The following HIRA variants were observed in gnomAD, a reference collection of about 807,000 sequenced individuals.
HIRA encodes the protein protein HIRA.
In HIRA, 13 loss-of-function variants were observed where a neutral mutation model predicts 126.6. That is an observed-to-expected ratio of 0.10 (90% CI 0.07 to 0.16). The LOEUF is 0.16. Ranked by LOEUF, HIRA falls within the 10% of genes least tolerant of loss-of-function variation. The probability of loss-of-function intolerance (pLI) is 1.00; values close to 1 mark genes in which losing one functional copy is unlikely to be tolerated. For missense variants in HIRA, 834 were observed against 1,314.4 expected (o/e 0.63, Z 5.65); for synonymous variants, 511 against 520.0 (o/e 0.98, Z 0.24).
In HIRA at chr22:19,354,025, C is replaced by G. The variant is rs146643449; in HGVS notation, c.2655G>C (p.Pro885=). The G allele has an allele frequency of 6.2e-7, 1 of 1,613,202 alleles. No homozygotes were observed. The highest frequency in any genetic ancestry group is 1.3e-5 in the African/African-American group (1 of 74,904). ...AGGTGCGGCCCTGGATTATGGCTAA[C>G]GGTCCTGAGCACAGCATGGCGTCCT... ...PSQDAMLCSG[P]LAIIQGRTSN... The change falls in exon 22 of 25, where the codon CCG becomes CCC. Residue 885 remains proline (P), a synonymous_variant. Transcript: ENST00000263208.
chr22:19,331,488 G>A lies in HIRA; in HGVS notation c.3006C>T (p.Arg1002=), dbSNP rs1308004990. 32 of 1,613,878 alleles carry A rather than the reference G, an allele frequency of 2.0e-5. No individual in the cohort carries two copies. Among genetic ancestry groups the A allele is most frequent in the Non-Finnish European group, 2.6e-5 (31 of 1,179,890 alleles). The change falls in exon 25 of 25, where the codon CGC becomes CGT. Residue 1002 remains arginine (R), a synonymous_variant. Transcript: ENST00000263208. ...GCTGTTCCTGACACTCGGTGAAGAG[G>A]CGCTGGAATCGGAGGTTCTGCCCGA... ...PVIGQNLRFQ[R]LFTECQEQLD...
chr22:19,430,576 C>G (rs1359904747), intron 1 of HIRA, among the ~76,000 whole-genome samples: 1 of 151,286 alleles, frequency 6.6e-6, no homozygotes, highest in Non-Finnish European at 1.5e-5. Flanking sequence ...AGAATCAGGC[C>G]CTGGGCTGGA....
rs2089084863 is a variant in HIRA at position 19,382,657 on chromosome 22, T to C, written c.1415+963A>G. Reference sequence around the variant, plus strand: ...AGAGGCCTAAAGTGTGTGGCCTCCATGAAGGGCTTACAAATGCCCTGAGCA... The same window carrying C: ...AGAGGCCTAAAGTGTGTGGCCTCCACGAAGGGCTTACAAATGCCCTGAGCA... On this transcript the variant is annotated intron_variant, in intron 13 of 24. Transcript: ENST00000263208. Among the ~76,000 whole-genome samples the C allele has an allele frequency of 2.6e-5, 4 of 152,204 alleles. No individual in the cohort carries two copies. In the South Asian group the frequency reaches 8.3e-4, roughly 32 times the overall value.
intron 7 of HIRA, among the ~76,000 whole-genome samples, chr22:19,396,525 A>T (rs2146230430): frequency 6.6e-6 from 1 of 152,356 alleles, no homozygotes; most frequent in African/African-American, 2.4e-5. Flanking sequence ...GCCAAAACAA[A>T]GCAAAAAACA....
chr22:19,387,647 G>T, intron 11 of HIRA, 64 bp downstream of exon 11: 1 of 1,186,020 alleles, frequency 8.4e-7, no homozygotes, highest in East Asian at 2.4e-5. Flanking sequence ...AGTCAAAGGG[G>T]TCTCTCAGAG....
rs782622489 is a variant in HIRA, at chr22:19,351,462, C to G, written c.2849-16G>C. ...TATTCAAACCCTAATTACAGAAAAA[C>G]AAACAAACAACAACAACAAAAAACA... On this transcript the variant is annotated splice_polypyrimidine_tract_variant and intron_variant, in intron 23 of 24. Transcript: ENST00000263208. This position sits in a 1 kb window ranked among gnomAD's most constrained non-coding sequence, Gnocchi z 4.8. The G allele has an allele frequency of 1.9e-6, 3 of 1,577,904 alleles. No individual in the cohort carries two copies. The South Asian group carries it at 3.4e-5, about 18-fold the overall frequency.
At chr22:19,390,989 C>T (rs1287301889) in intron 9 of HIRA, among the ~76,000 whole-genome samples, 1 of 151,690 alleles carries the variant, frequency 6.6e-6, no homozygotes, top group Admixed American at 6.6e-5. Flanking sequence ...GAACTCTACT[C>T]ATAGGTATGT....
At position 19,359,377 on chromosome 22, in the gene HIRA, C is replaced by T. The variant is rs2088843116; in HGVS notation, c.2193G>A (p.Glu731=). 6.2e-7 allele frequency: 1 copy of T among 1,609,880 alleles called. No homozygotes were observed. The highest frequency in any genetic ancestry group is 8.5e-7 in the Non-Finnish European group (1 of 1,178,330). The change falls in exon 18 of 25, where the codon GAG becomes GAA. Residue 731 remains glutamate (E), a synonymous_variant. Coordinates refer to ENST00000263208, the MANE Select transcript of HIRA (RefSeq NM_003325.4). ...TGAGGATCCGGCTGGTGAGTACCGT[C>T]TCCCACTCCTTCCCTTCCCGGTTGC... ...LKCNREGKEW[E]TVLTSRILTA...
rs780906542 is a variant in HIRA at position 19,385,656 on chromosome 22, G to A, written c.1194C>T (p.Asn398=). 3.7e-6 allele frequency: 6 copies of A among 1,614,090 alleles called. No homozygotes were observed. The South Asian group carries it at 5.5e-5, about 15-fold the overall frequency. ...TTCGCTGGTACTTGAGCATCTCAGG[G>A]TTCTCAATGACGGCTGTGGAGAGCT... ...EAQLSTAVIE[N]PEMLKYQRRQ... The change falls in exon 12 of 25, where the codon AAC becomes AAT. Residue 398 remains asparagine, a synonymous_variant. Coordinates refer to ENST00000263208, the MANE Select transcript of HIRA (RefSeq NM_003325.4).
chr22:19,400,487 T>C (rs1028853446), intron 5 of HIRA, among the ~76,000 whole-genome samples: 1 of 152,220 alleles, frequency 6.6e-6, no homozygotes, highest in African/African-American at 2.4e-5. Context: ...ACCCATGATG[T>C]TTCTATCACT....
Position 19,331,405 on chromosome 22 carries a change from C to T in HIRA, c.*35G>A, listed in dbSNP as rs782213909. 1.1e-5 allele frequency: 17 copies of T among 1,613,016 alleles called. No individual in the cohort carries two copies. Among genetic ancestry groups the T allele is most frequent in the Non-Finnish European group, 1.4e-5 (16 of 1,179,926 alleles). On this transcript the variant is annotated 3_prime_UTR_variant, in exon 25 of 25. Transcript: ENST00000263208. ...TGTCATCAGCGGCGAGAGTGTGGCC[C>T]TGCCCTTGCTGCAGCCAGGGCAGGC...
intron 1 of HIRA, among the ~76,000 whole-genome samples, chr22:19,422,113 C>T (rs750126862): frequency 1.4e-4 from 21 of 151,686 alleles, no homozygotes; most frequent in Middle Eastern, 6.8e-3. Flanking sequence ...AAAGTCAACA[C>T]ATTATACATT....
chr22:19,388,258 G>A (rs111358358), intron 10 of HIRA, among the ~76,000 whole-genome samples: 62 of 152,262 alleles, frequency 4.1e-4, no homozygotes, highest in African/African-American at 1.5e-3. Context: ...ATCCTGAAAA[G>A]GCATTTTCCA....
At chr22:19,430,489 TA>T (rs2089524106) in intron 1 of HIRA, among the ~76,000 whole-genome samples, 1 of 152,180 alleles carries the variant, frequency 6.6e-6, no homozygotes, top group Admixed American at 6.5e-5. Context: ...TAGCACCCTG[TA>T]GTCGCACTGC....
chr22:19,344,080 A>G (rs2088661554), intron 24 of HIRA, among the ~76,000 whole-genome samples: 1 of 152,156 alleles, frequency 6.6e-6, no homozygotes, highest in South Asian at 2.1e-4. Context: ...AACTTACAGT[A>G]TGCAGTGAAA....
chr22:19,386,388 T>C (rs1408087210), intron 11 of HIRA, among the ~76,000 whole-genome samples: 1 of 152,214 alleles, frequency 6.6e-6, no homozygotes, highest in African/African-American at 2.4e-5. Flanking sequence ...GTGACTGCTG[T>C]ACATGAAAGT....
Position 19,361,847 on chromosome 22 carries a change from C to T in HIRA, c.1860G>A (p.Leu620=), listed in dbSNP as rs1254855095. 1 of 1,614,138 alleles carries T rather than the reference C, an allele frequency of 6.2e-7. No individual in the cohort carries two copies. Among genetic ancestry groups the T allele is most frequent in the East Asian group, 2.2e-5 (1 of 44,886 alleles). Residue 620 remains leucine (L), a synonymous_variant, in exon 16 of 25, where the codon TTG becomes TTA. Transcript: ENST00000263208. ...SSSDSDEKVP[L]AKASSLSKRK... ...GCTTGGACAGTGAGGAAGCCTTAGC[C>T]AAAGGGACTTTCTCATCGCTGTCAC... is the stretch of plus-strand genomic sequence containing the variant.
At chr22:19,371,843 G>A (rs1319403901) in intron 15 of HIRA, among the ~76,000 whole-genome samples, 1 of 152,154 alleles carries the variant, frequency 6.6e-6, no homozygotes. Flanking sequence ...TATTGTATGG[G>A]TAAACCATAT....
intron 15 of HIRA, among the ~76,000 whole-genome samples, chr22:19,367,263 T>C (rs2088922166): frequency 6.6e-6 from 1 of 152,214 alleles, no homozygotes; most frequent in Non-Finnish European, 1.5e-5. Flanking sequence ...GCATGGGGAT[T>C]GATTCCAGGA....
Sources: allele counts gnomAD v4.1 joint callset (sites outside exome capture counted in the v4.1 genomes callset), GRCh38; gene constraint gnomAD v4.1.1; non-coding constraint Gnocchi (gnomAD v3.1); transcripts MANE v1.5; gene names NCBI Gene and HGNC (gene_info 2026-07-23, HGNC 2026-07-21).